The following DGKB variants were observed in gnomAD, a reference collection of about 807,000 sequenced individuals.
The protein encoded by DGKB is 90 kDa diacylglycerol kinase.
A neutral mutation model predicts 114.3 loss-of-function variants in DGKB; 67 were observed. The ratio of observed to expected loss-of-function variants is 0.59; its 90% confidence interval spans 0.48 to 0.72. The LOEUF (loss-of-function observed/expected upper bound fraction) is 0.72, where lower values mean the gene tolerates loss of function less well. Ranked by LOEUF, DGKB falls within the 30% of genes least tolerant of loss-of-function variation. DGKB has a pLI of 0.00. For synonymous variants in DGKB, 398 were observed against 323.1 expected, an observed-to-expected ratio of 1.23 and a Z score of -2.49; for missense variants, 907 against 975.2, an observed-to-expected ratio of 0.93 and a Z score of 0.93.
At chr7:14,689,236 C>T (rs1177563232) in intron 9 of DGKB, among the ~76,000 whole-genome samples, 3 of 67,922 alleles carry the variant, frequency 4.4e-5, no homozygotes, top group South Asian at 5.8e-4. Context: ...AGAGGAGTCT[C>T]GCTCTGTCGC....
At chr7:14,429,729 T>A (rs1470201940) in intron 21 of DGKB, among the ~76,000 whole-genome samples, 1 of 152,134 alleles carries the variant, frequency 6.6e-6, no homozygotes, top group Non-Finnish European at 1.5e-5. Flanking sequence ...AAGACCAGCC[T>A]GGCCAACATG....
intron 23 of DGKB, among the ~76,000 whole-genome samples, chr7:14,288,669 T>C (rs1427108390): frequency 6.6e-6 from 1 of 152,202 alleles, no homozygotes; most frequent in African/African-American, 2.4e-5. Context: ...CATCATTTTG[T>C]CCTTGTAGAG....
At chr7:14,767,750 T>A (rs1022153950) in intron 2 of DGKB, among the ~76,000 whole-genome samples, 4 of 151,940 alleles carry the variant, frequency 2.6e-5, no homozygotes, top group African/African-American at 7.2e-5. Context: ...TGTGTGTAAA[T>A]CAAAATGTTT....
intron 2 of DGKB, among the ~76,000 whole-genome samples, chr7:14,814,489 G>C (rs181327833): frequency 1.1e-3 from 170 of 152,194 alleles, no homozygotes; most frequent in Non-Finnish European, 1.9e-3. Flanking sequence ...TGTTATTGTG[G>C]CTGAAAACAT....
At chr7:14,966,511 GGC>G (rs1787160477) in intron 1 of DGKB, among the ~76,000 whole-genome samples, 1 of 151,782 alleles carries the variant, frequency 6.6e-6, no homozygotes, top group Admixed American at 6.6e-5. Context: ...ATGTCGCCCA[GGC>G]TGCTGGTCTC....
chr7:14,387,881 CT>C (rs11448628), intron 21 of DGKB, among the ~76,000 whole-genome samples: 67,093 of 117,572 alleles, frequency 0.57, 18,773 homozygotes, highest in East Asian at 0.75. Context: ...GTGTCCTTTT[CT>C]TTTTTTTTTT....
At chr7:14,336,651 G>A (rs1193805357) in intron 23 of DGKB, among the ~76,000 whole-genome samples, 1 of 152,128 alleles carries the variant, frequency 6.6e-6, no homozygotes, top group African/African-American at 2.4e-5. Context: ...AACAGTTACA[G>A]GCACTGACAG....
chr7:14,676,953 T>C (rs757848090), intron 12 of DGKB, among the ~76,000 whole-genome samples: 1 of 152,034 alleles, frequency 6.6e-6, no homozygotes, highest in Non-Finnish European at 1.5e-5. Flanking sequence ...TAAATATACA[T>C]CCAGAAATTC....
intron 23 of DGKB, among the ~76,000 whole-genome samples, chr7:14,317,478 C>T (rs1366685327): frequency 2.3e-4 from 35 of 151,812 alleles, no homozygotes; most frequent in Non-Finnish European, 2.4e-4. Flanking sequence ...ACAAGCATTC[C>T]TATACACCAA....
intron 2 of DGKB, among the ~76,000 whole-genome samples, chr7:14,817,412 A>G (rs1420792406): frequency 1.3e-5 from 2 of 152,248 alleles, no homozygotes; most frequent in South Asian, 2.1e-4. Context: ...GATGAAATCT[A>G]GCCAGATGCT....
intron 25 of DGKB, among the ~76,000 whole-genome samples, chr7:14,167,371 C>T (rs1227749162): frequency 6.6e-6 from 1 of 151,944 alleles, no homozygotes; most frequent in Non-Finnish European, 1.5e-5. Flanking sequence ...CTCCTTTTTT[C>T]TCTCTCTATT....
intron 21 of DGKB, among the ~76,000 whole-genome samples, chr7:14,446,872 G>T (rs1830791897): frequency 6.6e-6 from 1 of 152,136 alleles, no homozygotes; most frequent in Non-Finnish European, 1.5e-5. Context: ...TCAAGAGAGA[G>T]ACGGTGCCTA....
At chr7:14,497,215 G>GA (rs1159133090) in intron 20 of DGKB, among the ~76,000 whole-genome samples, 2 of 151,632 alleles carry the variant, frequency 1.3e-5, no homozygotes, top group African/African-American at 2.4e-5. Context: ...GAAAAGGAAT[G>GA]AAAAAATGCC....
chr7:14,803,681 G>A (rs899326046), intron 2 of DGKB, among the ~76,000 whole-genome samples: 11 of 146,446 alleles, frequency 7.5e-5, no homozygotes, highest in African/African-American at 2.6e-4. Flanking sequence ...TATGCGTTTT[G>A]GTCTACTAAG....
At chr7:14,443,797 T>C (rs1246459468) in intron 21 of DGKB, among the ~76,000 whole-genome samples, 1 of 152,080 alleles carries the variant, frequency 6.6e-6, no homozygotes, top group African/African-American at 2.4e-5. Context: ...GCATAGGATT[T>C]ATTATGATCC....
intron 2 of DGKB, among the ~76,000 whole-genome samples, chr7:14,796,043 T>C (rs1289780092): frequency 6.6e-6 from 1 of 152,250 alleles, no homozygotes; most frequent in East Asian, 1.9e-4. Context: ...CAAAATTAAT[T>C]CTGCTAAAAT....
intron 20 of DGKB, among the ~76,000 whole-genome samples, chr7:14,544,555 TCTC>T (rs1427196732): frequency 1.3e-5 from 2 of 152,174 alleles, no homozygotes; most frequent in African/African-American, 4.8e-5. Context: ...GTCAATGACA[TCTC>T]CTTTTATTCT....
intron 21 of DGKB, among the ~76,000 whole-genome samples, chr7:14,419,713 G>T (rs905728508): frequency 1.3e-5 from 2 of 151,646 alleles, no homozygotes; most frequent in Non-Finnish European, 2.9e-5. Context: ...ACAATCTTAC[G>T]AGACATAGAG....
At chr7:14,436,859 G>C (rs568209918) in intron 21 of DGKB, among the ~76,000 whole-genome samples, 1 of 152,026 alleles carries the variant, frequency 6.6e-6, no homozygotes, top group African/African-American at 2.4e-5. Flanking sequence ...AAAAAAGTGA[G>C]AATCATCCTC....
Sources: gnomAD v4.1 joint callset for allele counts (sites outside exome capture counted in the v4.1 genomes callset) on GRCh38, gnomAD v4.1.1 for gene constraint, MANE v1.5 for transcripts, NCBI Gene and HGNC (gene_info 2026-07-23, HGNC 2026-07-21) for gene names.